Variants in VWA3A observed in about 807,000 individuals in gnomAD.
The protein encoded by VWA3A is von Willebrand factor A domain-containing protein 3A.
VWA3A carries 134 observed loss-of-function variants against 160.4 expected under a neutral mutation model. That is an observed-to-expected ratio of 0.84 (90% CI 0.73 to 0.96). The LOEUF (loss-of-function observed/expected upper bound fraction) is 0.96. Ranked by LOEUF, VWA3A falls within the 40% of genes least tolerant of loss-of-function variation. The pLI, the probability that VWA3A is intolerant of heterozygous loss-of-function variation, is 0.00. For missense variants in VWA3A, 1,310 were observed against 1,447.9 expected, an observed-to-expected ratio of 0.90 and a Z score of 1.55; for synonymous variants, 476 against 543.4, an observed-to-expected ratio of 0.88 and a Z score of 1.72.
rs767001096 is a variant in VWA3A at position 22,132,918 on chromosome 16, A to G, written c.1891A>G (p.Met631Val). Residue 631 changes from methionine (M) to valine (V), a missense_variant, in exon 20 of 34, where the codon ATG (methionine) becomes GTG (valine). Met to Val is a conservative substitution (Grantham distance 21). Transcript: ENST00000389398. ...CCACCAGCCTACACTCAGTGCCTACATGGCTGAGGCCTGTGGCGGCTGCGA... is the reference window on the plus strand; with the variant it reads ...CCACCAGCCTACACTCAGTGCCTACGTGGCTGAGGCCTGTGGCGGCTGCGA... ...DQDMPTLSAY[M>V]AEACGGCDLQ... 5 of 1,613,584 alleles carry G rather than the reference A, an allele frequency of 3.1e-6. No individual in the cohort carries two copies. Among genetic ancestry groups the G allele is most frequent in the Non-Finnish European group, 4.2e-6 (5 of 1,179,824 alleles).
chr16:22,097,058 C>G, intron 2 of VWA3A, 113 bp downstream of exon 2: 1 of 663,210 alleles, frequency 1.5e-6, no homozygotes, highest in Admixed American at 2.8e-5. Flanking sequence ...CTCTGCCCTC[C>G]GGGTTCATGC....
chr16:22,138,625 T>C, intron 22 of VWA3A, 113 bp downstream of exon 22: 1 of 1,405,770 alleles, frequency 7.1e-7, no homozygotes, highest in Non-Finnish European at 9.6e-7. Context: ...GGTGCTTCAG[T>C]GGTGAGTGTC....
At chr16:22,114,692 G>A (rs1414934736) in intron 8 of VWA3A, among the ~76,000 whole-genome samples, 1 of 152,286 alleles carries the variant, frequency 6.6e-6, no homozygotes, top group East Asian at 1.9e-4. Context: ...GCCAGCTGCA[G>A]GGGCTCACAC....
chr16:22,145,564 G>A (rs562119027), intron 26 of VWA3A, among the ~76,000 whole-genome samples: 86 of 151,326 alleles, frequency 5.7e-4, no homozygotes, highest in Non-Finnish European at 1.0e-3. Flanking sequence ...GCTTGAACCC[G>A]GGAGGCAGAG....
In VWA3A at chr16:22,117,116, C is replaced by G; in HGVS notation, c.930C>G (p.Val310=). ...YRCDDQMPPA[V]LKNLAEAVRG... is the part of the protein sequence containing the mutation. ...CCCTGGCCTCATCCCTGCAGGCTGT[C>G]CTGAAGAACCTTGCAGAAGCTGTTA... Residue 310 remains valine, a synonymous_variant, in exon 11 of 34, where the codon GTC becomes GTG. Coordinates refer to ENST00000389398, the MANE Select transcript of VWA3A (RefSeq NM_173615.5). 6.3e-7 allele frequency: 1 copy of G among 1,580,934 alleles called. No homozygotes were observed. The highest frequency in any genetic ancestry group is 1.2e-5 in the South Asian group (1 of 85,938).
Position 22,092,603 on chromosome 16 carries a change from T to G in VWA3A, c.-35T>G. 6.5e-7 allele frequency: 1 copy of G among 1,549,806 alleles called. No homozygotes were observed. Among genetic ancestry groups the G allele is most frequent in the Non-Finnish European group, 8.7e-7 (1 of 1,145,836 alleles). ...ATCCAGGAGAAGTAAGGCCCTGGAG[T>G]GCCAGGAGCCCTTCTCCCAAAGATG... On this transcript the variant is annotated 5_prime_UTR_variant, in exon 1 of 34. Coordinates refer to ENST00000389398, the MANE Select transcript of VWA3A (RefSeq NM_173615.5).
chr16:22,105,210 A>AC (rs1321873373), intron 6 of VWA3A, among the ~76,000 whole-genome samples: 3 of 151,636 alleles, frequency 2.0e-5, no homozygotes, highest in African/African-American at 4.9e-5. Context: ...TGCTGCTCTC[A>AC]CCCCCCGACC....
intron 17 of VWA3A, among the ~76,000 whole-genome samples, chr16:22,126,627 C>T (rs527754640): frequency 3.3e-5 from 5 of 152,250 alleles, no homozygotes; most frequent in East Asian, 1.9e-4. Flanking sequence ...CCCAGCCATG[C>T]CCTAGTGTCA....
At chr16:22,123,020 T>C in intron 14 of VWA3A, 65 bp from the exon 15 acceptor site, 1 of 1,404,698 alleles carries the variant, frequency 7.1e-7, no homozygotes, top group Non-Finnish European at 9.9e-7. Flanking sequence ...GGAGAACCAG[T>C]GCCCAAATTA....
chr16:22,113,224 C>T (rs1001734394), intron 8 of VWA3A, among the ~76,000 whole-genome samples: 37 of 151,828 alleles, frequency 2.4e-4, no homozygotes, highest in African/African-American at 8.5e-4. Context: ...TGGAGTCTTA[C>T]TCTGTCACCC....
intron 25 of VWA3A, among the ~76,000 whole-genome samples, chr16:22,143,848 C>T (rs2046198597): frequency 6.6e-6 from 1 of 151,380 alleles, no homozygotes; most frequent in African/African-American, 2.4e-5. Flanking sequence ...TCAAACGATT[C>T]TCCTGCCTCA....
intron 11 of VWA3A, among the ~76,000 whole-genome samples, chr16:22,117,996 C>G (rs1489783136): frequency 1.3e-5 from 2 of 152,154 alleles, no homozygotes; most frequent in African/African-American, 4.8e-5. Context: ...AAACCTGTGG[C>G]TTGACCAGGC....
In VWA3A at chr16:22,126,244, G is replaced by A. The variant is rs750461200; in HGVS notation, c.1599G>A (p.Leu533=). ...ACATTATTCATATCCAGCACTCCCT[G>A]CGGCTGCTGCTGGAGGAGCAGTTAT... is the stretch of plus-strand genomic sequence containing the variant. ...SMYIIHIQHS[L]RLLLEEQLSN... Residue 533 remains leucine, a synonymous_variant, in exon 17 of 34, where the codon CTG becomes CTA. Transcript: ENST00000389398. 5 of 1,613,780 alleles carry A rather than the reference G, an allele frequency of 3.1e-6. No individual in the cohort carries two copies. In the South Asian group the frequency reaches 3.3e-5, roughly 11 times the overall value.
At chr16:22,098,236 A>G (rs1021474880) in intron 3 of VWA3A, among the ~76,000 whole-genome samples, 1 of 152,234 alleles carries the variant, frequency 6.6e-6, no homozygotes, top group African/African-American at 2.4e-5. Flanking sequence ...GTGCACAACC[A>G]TGTACCTAAC....
rs2045615710 is a variant in VWA3A, at chr16:22,115,443, G to A, written c.786G>A (p.Leu262=). The A allele has an allele frequency of 6.2e-7, 1 of 1,608,572 alleles. No individual in the cohort carries two copies. The highest frequency in any genetic ancestry group is 1.7e-5 in the Admixed American group (1 of 59,186). ...ALKKIFTLKG[L]DSLVAIMRSC... The stretch of plus-strand genomic sequence containing the variant: ...AGAAGATCTTCACTCTCAAGGGACT[G>A]GATTCCCTGGTGGCCATCATGAGAA... The change falls in exon 9 of 34, where the codon CTG becomes CTA. Residue 262 remains leucine, a synonymous_variant. Transcript: ENST00000389398.
intron 24 of VWA3A, among the ~76,000 whole-genome samples, 193 bp downstream of exon 24, chr16:22,141,885 G>C (rs1325621698): frequency 6.6e-6 from 1 of 152,154 alleles, no homozygotes; most frequent in African/African-American, 2.4e-5. Flanking sequence ...ACAACAACCA[G>C]GGAATGAGAG....
chr16:22,125,061 C>G (rs1333926605), intron 16 of VWA3A, among the ~76,000 whole-genome samples: 1 of 151,924 alleles, frequency 6.6e-6, no homozygotes, highest in African/African-American at 2.4e-5. Context: ...ACTTGCTCAC[C>G]TGGTTTTCGT....
chr16:22,099,880 G>C (rs547215880), intron 3 of VWA3A, among the ~76,000 whole-genome samples: 1 of 152,290 alleles, frequency 6.6e-6, no homozygotes, highest in Admixed American at 6.5e-5. Context: ...TTTGAGACCA[G>C]CCTGGCCAAA....
At chr16:22,110,837 G>C in intron 7 of VWA3A, 51 bp from the exon 8 acceptor site, 2 of 1,533,114 alleles carry the variant, frequency 1.3e-6, no homozygotes, top group South Asian at 1.2e-5. Context: ...GCAAAGCCAG[G>C]CTCCCGATTC....
Sources: gnomAD v4.1 joint callset for allele counts (sites outside exome capture counted in the v4.1 genomes callset) on GRCh38, gnomAD v4.1.1 for gene constraint, MANE v1.5 for transcripts, NCBI Gene and HGNC (gene_info 2026-07-23, HGNC 2026-07-21) for gene names.